RHBDF1: variants seen among roughly 807,000 people sequenced by gnomAD.
RHBDF1 encodes the protein inactive rhomboid protein 1.
In RHBDF1, 80 loss-of-function variants were observed where a neutral mutation model predicts 98.6. The observed-to-expected ratio is 0.81, with a 90% CI of 0.68 to 0.98. The LOEUF is 0.98. RHBDF1 is among the 50% of genes least tolerant of loss of function. RHBDF1 has a pLI of 0.00. For missense variants in RHBDF1, 1,116 were observed against 1,198.3 expected, an observed-to-expected ratio of 0.93 and a Z score of 1.01; for synonymous variants, 512 against 486.8, an observed-to-expected ratio of 1.05 and a Z score of -0.68.
rs1205079256 is a variant in RHBDF1, at chr16:61,935, C to G, written c.1071G>C (p.Ala357=). The G allele has an allele frequency of 4.4e-6, 7 of 1,599,378 alleles. No individual in the cohort carries two copies. Among genetic ancestry groups the G allele is most frequent in the Non-Finnish European group, 5.9e-6 (7 of 1,179,188 alleles). Residue 357 remains alanine, a synonymous_variant, in exon 8 of 18, where the codon GCG becomes GCC. Coordinates refer to ENST00000262316, the MANE Select transcript of RHBDF1 (RefSeq NM_022450.5). The part of the protein sequence containing the change: ...TAGPRRGQRI[A]VPVRKLFARE... ...GGGCGAAGAGCTTGCGCACCGGCAC[C>G]GCGATACGCTGGCCCCGTCGCGGCC...
In RHBDF1 at chr16:61,964, C is replaced by CGGTG; in HGVS notation, c.1038_1041dup (p.Ala348HisfsTer90). Reference sequence around the variant, plus strand: ...ATACGCTGGCCCCGTCGCGGCCCCGCGGTGCTCACCACCTCCTGTCGGAGC... The same window carrying CGGTG: ...ATACGCTGGCCCCGTCGCGGCCCCGCGGTGGGTGCTCACCACCTCCTGTCGGAGC... On this transcript the variant is annotated frameshift_variant, in exon 8 of 18. Coordinates refer to ENST00000262316, the MANE Select transcript of RHBDF1 (RefSeq NM_022450.5). LOFTEE classifies it high-confidence loss of function. The CGGTG allele has an allele frequency of 1.3e-6, 2 of 1,592,406 alleles. No individual in the cohort carries two copies. Among genetic ancestry groups the CGGTG allele is most frequent in the Middle Eastern group, 2.2e-4 (1 of 4,534 alleles).
At chr16:64,464 G>A (rs754794373) in intron 3 of RHBDF1, 29 of 1,503,968 alleles carry the variant, frequency 1.9e-5, no homozygotes, top group East Asian at 1.1e-4. Flanking sequence ...GCATCCGGGC[G>A]GTGGAGACAG....
Position 60,432 on chromosome 16 carries a change from G to A in RHBDF1, c.1658+7C>T, listed in dbSNP as rs199535001. ...AGGCAGGTGAGAGAGCTGCCGGCAG[G>A]ACTAACCTGGGATCCTGGTGGCAGA... is the stretch of plus-strand genomic sequence containing the variant. On this transcript the variant is annotated splice_region_variant and intron_variant, in intron 12 of 17. Transcript: ENST00000262316. 6.2e-7 allele frequency: 1 copy of A among 1,611,320 alleles called. No homozygotes were observed. The highest frequency in any genetic ancestry group is 1.1e-5 in the South Asian group (1 of 91,054).
In RHBDF1 at chr16:71,023, A is replaced by G. The variant is rs568474323; in HGVS notation, c.-25+1490T>C. ...GGTGTGGCGGAGGCCCTCACAGCCA[A>G]GAGCAACTGGGGGTGCCCTGGGCAG... On this transcript the variant is annotated intron_variant, in intron 1 of 17. Transcript: ENST00000262316. Among the ~76,000 whole-genome samples the G allele has an allele frequency of 3.9e-5, 6 of 152,352 alleles. No homozygotes were observed. In the South Asian group the frequency reaches 1.2e-3, roughly 32 times the overall value.
At chr16:60,896 T>G in intron 11 of RHBDF1, 3 of 590,652 alleles carry the variant, frequency 5.1e-6, no homozygotes, top group South Asian at 2.1e-5. Context: ...GCTGGAAGAG[T>G]ACACCCAAAT....
At chr16:71,216 G>A (rs1386002234) in intron 1 of RHBDF1, among the ~76,000 whole-genome samples, 3 of 152,178 alleles carry the variant, frequency 2.0e-5, no homozygotes, top group African/African-American at 4.8e-5. Context: ...CTTGTGCAAC[G>A]GAGGCCACCC....
At chr16:62,229 G>T in intron 7 of RHBDF1, 177 bp from the exon 8 acceptor site, 1 of 901,056 alleles carries the variant, frequency 1.1e-6, no homozygotes, top group Non-Finnish European at 1.6e-6. Flanking sequence ...GGATGGCAGG[G>T]AGCTGGAACG....
upstream of RHBDF1, among the ~76,000 whole-genome samples, chr16:75,520 G>A (rs1342471424): frequency 2.0e-5 from 3 of 152,216 alleles, no homozygotes; most frequent in Admixed American, 6.5e-5. Context: ...TTGGGGAAGA[G>A]GCAGAAGGGG....
intron 1 of RHBDF1, among the ~76,000 whole-genome samples, chr16:69,035 C>T (rs952428261): frequency 6.6e-6 from 1 of 152,164 alleles, no homozygotes; most frequent in African/African-American, 2.4e-5. Flanking sequence ...CAGCGGCTGA[C>T]TCCATCACAG....
chr16:60,289 CCA>C lies in RHBDF1; in HGVS notation c.1659-12_1659-11del. 6.2e-7 allele frequency: 1 copy of C among 1,614,046 alleles called. No homozygotes were observed. The highest frequency in any genetic ancestry group is 8.5e-7 in the Non-Finnish European group (1 of 1,180,016). On this transcript the variant is annotated splice_polypyrimidine_tract_variant and intron_variant, in intron 12 of 17. Transcript: ENST00000262316. ...GGGCTCATCACACACCCTGCATGAG[CCA>C]AGTATGTGGTCAGACCGGCTTCGAG... is the stretch of plus-strand genomic sequence containing the variant.
At chr16:64,461 G>C (rs1286738571) in intron 3 of RHBDF1, 8 of 1,500,398 alleles carry the variant, frequency 5.3e-6, no homozygotes, top group South Asian at 4.8e-5. Flanking sequence ...AGAGCATCCG[G>C]GCGGTGGAGA....
At chr16:74,146 C>G (rs1349944636), upstream of RHBDF1, among the ~76,000 whole-genome samples, 1 of 152,152 alleles carries the variant, frequency 6.6e-6, no homozygotes, top group Non-Finnish European at 1.5e-5. Context: ...TGCCCCAGTG[C>G]CAACACTCAG....
chr16:62,935 G>A, intron 5 of RHBDF1, 38 bp from the exon 6 acceptor site: 1 of 1,612,840 alleles, frequency 6.2e-7, no homozygotes, highest in Non-Finnish European at 8.5e-7. Context: ...CCGGCTGCTG[G>A]GTCGGCCCCC....
chr16:63,491 CAG>C lies in RHBDF1; in HGVS notation c.462+94_462+95del, dbSNP rs1328422159. 77 of 1,114,806 alleles carry C rather than the reference CAG, an allele frequency of 6.9e-5. 1 individual carries two copies. The highest frequency in any genetic ancestry group is 9.3e-5 in the Non-Finnish European group (73 of 786,062). The allele number at this position is 1,114,806 out of a possible 1,614,324, so 69.1% of individuals were successfully genotyped here. On this transcript the variant is annotated intron_variant, in intron 4 of 17. Transcript: ENST00000262316. Reference sequence around the variant, plus strand: ...ACTGCCCTTCCAGACTGTGAGCTCCCAGAGAGTCCCTTCTGCTCAGGCTGGCT... The same window carrying C: ...ACTGCCCTTCCAGACTGTGAGCTCCCAGAGTCCCTTCTGCTCAGGCTGGCT...
chr16:64,349 A>G (rs756812253), intron 3 of RHBDF1: 47 of 1,365,208 alleles, frequency 3.4e-5, no homozygotes, highest in Non-Finnish European at 4.6e-5. Flanking sequence ...AGGGACCAAG[A>G]GAGAGACTGG....
chr16:61,696 C>G lies in RHBDF1; in HGVS notation c.1209G>C (p.Arg403Ser). The change falls in exon 9 of 18, where the codon AGG (arginine) becomes AGC (serine). Residue 403 changes from arginine (R) to serine (S), a missense_variant and splice_region_variant. Physicochemically the swap from Arg to Ser is moderately radical, Grantham distance 110. Coordinates refer to ENST00000262316, the MANE Select transcript of RHBDF1 (RefSeq NM_022450.5). ...KRQIEDMDDH[R>S]PFFTYWLTFV... Reference sequence around the variant, plus strand: ...AGGTAAGCCAGTAGGTGAAGAAGGGCCTGCGGGGTGGAGCGTCAGCGGGGG... The same window carrying G: ...AGGTAAGCCAGTAGGTGAAGAAGGGGCTGCGGGGTGGAGCGTCAGCGGGGG... The G allele has an allele frequency of 6.2e-7, 1 of 1,613,424 alleles. No homozygotes were observed. Among genetic ancestry groups the G allele is most frequent in the Non-Finnish European group, 8.5e-7 (1 of 1,179,896 alleles).
In RHBDF1 at chr16:59,414, C is replaced by A. The variant is rs1897518372; in HGVS notation, c.1893+5G>T. 6.2e-7 allele frequency: 1 copy of A among 1,613,654 alleles called. No individual in the cohort carries two copies. Among genetic ancestry groups the A allele is most frequent in the East Asian group, 2.2e-5 (1 of 44,886 alleles). ...AGGGGAACGACGGACACTCTGCAGA[C>A]CTACCTGAGAGCAGAGCGTGGCCTC... On this transcript the variant is annotated splice_donor_5th_base_variant and intron_variant, in intron 15 of 17. Transcript: ENST00000262316.
intron 1 of RHBDF1, among the ~76,000 whole-genome samples, chr16:70,010 GA>G (rs66478369): frequency 0.35 from 45,962 of 130,750 alleles, 8,349 homozygotes; most frequent in East Asian, 0.54. Flanking sequence ...CACTTGGCAG[GA>G]GGGGGGGGGG....
At chr16:66,707 C>T (rs1051864194) in intron 1 of RHBDF1, among the ~76,000 whole-genome samples, 17 of 152,224 alleles carry the variant, frequency 1.1e-4, no homozygotes, top group African/African-American at 4.1e-4. Flanking sequence ...TTGGGGCACT[C>T]CCCAGGCATG....
Sources: allele counts gnomAD v4.1 joint callset (sites outside exome capture counted in the v4.1 genomes callset), GRCh38; gene constraint gnomAD v4.1.1; transcripts MANE v1.5; gene names NCBI Gene and HGNC (gene_info 2026-07-23, HGNC 2026-07-21).